Variants in PKP2 observed in about 807,000 individuals in gnomAD.
PKP2 encodes the protein plakophilin 2, also known as plakophilin-2.
Under a neutral mutation model 83.4 loss-of-function variants are expected in PKP2, and 73 were observed. That is an observed-to-expected ratio of 0.88 (90% CI 0.72 to 1.06). The LOEUF is 1.06. PKP2 is among the 50% of genes least tolerant of loss of function. The pLI, the probability that PKP2 is intolerant of heterozygous loss-of-function variation, is 0.00. For missense variants in PKP2, 966 were observed against 1,065.4 expected (o/e 0.91, Z 1.30); for synonymous variants, 409 against 430.4 (o/e 0.95, Z 0.62).
intron 6 of PKP2, among the ~76,000 whole-genome samples, chr12:32,832,434 T>C (rs760690154): frequency 2.0e-5 from 3 of 152,184 alleles, no homozygotes; most frequent in Non-Finnish European, 2.9e-5. Flanking sequence ...CATGTACTTG[T>C]TTGTATATCT....
chr12:32,859,766 G>A (rs1372854551), intron 4 of PKP2, among the ~76,000 whole-genome samples: 5 of 151,996 alleles, frequency 3.3e-5, no homozygotes, highest in African/African-American at 9.7e-5. Flanking sequence ...CTCAATAACT[G>A]TTTGATTGGA....
At chr12:32,820,243 T>C (rs1003862947) in intron 9 of PKP2, 3 of 152,226 alleles carry the variant, frequency 2.0e-5, no homozygotes, top group Non-Finnish European at 4.4e-5. Context: ...CATAAATATT[T>C]TTTGCTACTT....
chr12:32,823,284 G>A (rs894997985), intron 7 of PKP2, among the ~76,000 whole-genome samples: 2 of 152,044 alleles, frequency 1.3e-5, no homozygotes, highest in Admixed American at 6.6e-5. Flanking sequence ...GGGCATGGTG[G>A]CGTACACCTG....
At chr12:32,865,376 G>GAA (rs554773045) in intron 4 of PKP2, among the ~76,000 whole-genome samples, 26 of 85,344 alleles carry the variant, frequency 3.0e-4, no homozygotes, top group African/African-American at 4.3e-4. Flanking sequence ...CTCCATCTCA[G>GAA]AAAAAAAAAA....
At chr12:32,852,512 AG>A (rs757788556) in intron 4 of PKP2, among the ~76,000 whole-genome samples, 1 of 152,248 alleles carries the variant, frequency 6.6e-6, no homozygotes. Context: ...ATCATAATAA[AG>A]CAAAAATTAC....
rs1490738641 is a variant in PKP2 at position 32,796,199 on chromosome 12, T to A, written c.2267A>T (p.Asn756Ile). 1 of 1,614,042 alleles carries A rather than the reference T, an allele frequency of 6.2e-7. No homozygotes were observed. ...ETTASACYTLNNIIQNSYQNA... is the reference protein window; with the variant it reads ...ETTASACYTLINIIQNSYQNA... ...CTGGTAACTGTTTTGGATTATGTTGTTCAATGTGTAACAGGCAGAGGCTGT... is the reference window on the plus strand; with the variant it reads ...CTGGTAACTGTTTTGGATTATGTTGATCAATGTGTAACAGGCAGAGGCTGT... The change falls in exon 11 of 13, where the codon AAC (asparagine) becomes ATC (isoleucine). Residue 756 changes from asparagine to isoleucine, a missense_variant. By Grantham distance (149) the Asn-to-Ile change is moderately radical. Transcript: ENST00000340811.
chr12:32,829,397 G>C (rs1174422302), intron 6 of PKP2, among the ~76,000 whole-genome samples: 1 of 150,188 alleles, frequency 6.7e-6, no homozygotes, highest in African/African-American at 2.5e-5. Context: ...TGGGACTACA[G>C]GCGCATGTCA....
At chr12:32,793,759 C>A (rs1956095720) in intron 11 of PKP2, among the ~76,000 whole-genome samples, 1 of 151,652 alleles carries the variant, frequency 6.6e-6, no homozygotes, top group Admixed American at 6.6e-5. Flanking sequence ...CCACGCCAGG[C>A]TAATTTTTTG....
In PKP2 at chr12:32,795,443, C is replaced by T. The variant is rs986256831; in HGVS notation, c.2357+666G>A. On this transcript the variant is annotated intron_variant, in intron 11 of 12. Transcript: ENST00000340811. ...TCAACCAGGCTGGAGTGCAGTGGCA[C>T]GATCACGGCTCATTGCAACCTCTGC... Among the ~76,000 whole-genome samples the T allele has an allele frequency of 4.0e-5, 6 of 151,686 alleles. No homozygotes were observed. The South Asian group carries it at 8.3e-4, about 21-fold the overall frequency.
At chr12:32,795,414 T>C (rs961279304) in intron 11 of PKP2, among the ~76,000 whole-genome samples, 3 of 151,310 alleles carry the variant, frequency 2.0e-5, no homozygotes, top group Non-Finnish European at 2.9e-5. Context: ...AGAATCTCAC[T>C]CTGTCAACCA....
chr12:32,801,944 A>C (rs1956183955), intron 10 of PKP2, among the ~76,000 whole-genome samples: 1 of 152,086 alleles, frequency 6.6e-6, no homozygotes, highest in Admixed American at 6.6e-5. Flanking sequence ...CCATTTTTTT[A>C]ATAGTCCAAC....
At chr12:32,865,914 A>G (rs763000488) in intron 4 of PKP2, among the ~76,000 whole-genome samples, 1 of 152,170 alleles carries the variant, frequency 6.6e-6, no homozygotes, top group Non-Finnish European at 1.5e-5. Context: ...TAGAACAACT[A>G]AAATATATAA....
chr12:32,796,034 T>G, intron 11 of PKP2, 75 bp downstream of exon 11: 2 of 1,295,660 alleles, frequency 1.5e-6, no homozygotes, highest in Non-Finnish European at 2.2e-6. Flanking sequence ...GACCGCACAT[T>G]CACAACCGGA....
At chr12:32,829,082 T>C (rs577604542) in intron 6 of PKP2, among the ~76,000 whole-genome samples, 10 of 152,120 alleles carry the variant, frequency 6.6e-5, no homozygotes, top group Admixed American at 5.9e-4. Context: ...ACTATAGGCA[T>C]GCACTGCCGA....
chr12:32,815,088 C>A (rs913806038), intron 9 of PKP2, among the ~76,000 whole-genome samples: 4 of 152,120 alleles, frequency 2.6e-5, no homozygotes, highest in African/African-American at 9.7e-5. Flanking sequence ...GCAGAAGAAC[C>A]AATCTGCAAA....
intron 9 of PKP2, among the ~76,000 whole-genome samples, chr12:32,811,107 C>T (rs1189082838): frequency 2.0e-5 from 3 of 152,150 alleles, no homozygotes; most frequent in Non-Finnish European, 4.4e-5. Context: ...CCACTTGGTA[C>T]CAAATGTTTG....
Position 32,821,527 on chromosome 12 carries a change from T to C in PKP2, c.1842A>G (p.Gln614=), listed in dbSNP as rs138901574. 1.9e-5 allele frequency: 31 copies of C among 1,613,918 alleles called. No homozygotes were observed. The African/African-American group carries it at 3.9e-4, about 20-fold the overall frequency. The change falls in exon 9 of 13, where the codon CAA becomes CAG. Residue 614 remains glutamine (Q), a splice_region_variant and synonymous_variant. Coordinates refer to ENST00000340811, the MANE Select transcript of PKP2 (RefSeq NM_001005242.3). Reference sequence around the variant, plus strand: ...CCTCCGGCATCGGCACGTCCTGGTATTGCTGACCACACACAAAAGGAATCC... The same window carrying C: ...CCTCCGGCATCGGCACGTCCTGGTACTGCTGACCACACACAAAAGGAATCC... The part of the protein sequence containing the change: ...FGSRSRKVKE[Q]YQDVPMPEEK...
At chr12:32,858,828 A>C (rs1956776635) in intron 4 of PKP2, among the ~76,000 whole-genome samples, 1 of 152,218 alleles carries the variant, frequency 6.6e-6, no homozygotes, top group African/African-American at 2.4e-5. Flanking sequence ...AAGAAATACA[A>C]AGTCAAAAAC....
intron 1 of PKP2, among the ~76,000 whole-genome samples, chr12:32,890,306 C>T (rs1957066756): frequency 6.6e-6 from 1 of 151,822 alleles, no homozygotes. Flanking sequence ...TGATGCTCAC[C>T]CACACCCACC....
Sources: allele counts gnomAD v4.1 joint callset (sites outside exome capture counted in the v4.1 genomes callset), GRCh38; gene constraint gnomAD v4.1.1; transcripts MANE v1.5; gene names NCBI Gene and HGNC (gene_info 2026-07-23, HGNC 2026-07-21).